The following SLC9B1 variants were observed in gnomAD, a reference collection of about 807,000 sequenced individuals.
SLC9B1 encodes the protein solute carrier family 9 member B1, also known as sodium/hydrogen exchanger 9B1.
In SLC9B1, 32 loss-of-function variants were observed where a neutral mutation model predicts 51.7. The ratio of observed to expected loss-of-function variants is 0.62; its 90% CI spans 0.47 to 0.83. The LOEUF (loss-of-function observed/expected upper bound fraction) is 0.83, where lower values mean the gene tolerates loss of function less well. Ranked by LOEUF, SLC9B1 falls within the 40% of genes least tolerant of loss-of-function variation. SLC9B1 has a pLI of 0.00. For synonymous variants in SLC9B1, 145 were observed against 212.7 expected (o/e 0.68, Z 2.77); for missense variants, 406 against 613.2 (o/e 0.66, Z 3.57).
intron 7 of SLC9B1, among the ~76,000 whole-genome samples, chr4:102,918,722 G>C (rs1227844582): frequency 6.6e-6 from 1 of 152,206 alleles, no homozygotes; most frequent in Non-Finnish European, 1.5e-5. Context: ...GCTATCTATA[G>C]TGAATATAGT....
rs539872120 is a variant in SLC9B1 at position 102,906,082 on chromosome 4, C to T, written c.1196-432G>A. Among the ~76,000 whole-genome samples the T allele has an allele frequency of 3.4e-4, 51 of 152,212 alleles. No homozygotes were observed. The South Asian group carries it at 3.5e-3, about 11-fold the overall frequency. ...TCCCGAGTAGCTGGGATTACAGACGCGCACTACCACACCTGGCTAATTTTT... is the reference window on the plus strand; with the variant it reads ...TCCCGAGTAGCTGGGATTACAGACGTGCACTACCACACCTGGCTAATTTTT... On this transcript the variant is annotated intron_variant, in intron 10 of 11. Coordinates refer to ENST00000296422, the MANE Select transcript of SLC9B1 (RefSeq NM_139173.4).
At chr4:102,956,287 A>G (rs991724688) in intron 3 of SLC9B1, among the ~76,000 whole-genome samples, 1 of 148,880 alleles carries the variant, frequency 6.7e-6, no homozygotes, top group African/African-American at 2.5e-5. Flanking sequence ...TCCATTCACT[A>G]TAATAAATTA....
chr4:102,903,540 T>C (rs1468458768), intron 11 of SLC9B1, among the ~76,000 whole-genome samples: 1 of 152,246 alleles, frequency 6.6e-6, no homozygotes, highest in African/African-American at 2.4e-5. Context: ...GCAAGTAACA[T>C]GGTATTCAAA....
intron 7 of SLC9B1, among the ~76,000 whole-genome samples, chr4:102,928,940 G>A (rs1736318762): frequency 6.6e-6 from 1 of 152,164 alleles, no homozygotes; most frequent in Admixed American, 6.5e-5. Flanking sequence ...AGAAAGATGA[G>A]GGCCAGAAAG....
intron 1 of SLC9B1, among the ~76,000 whole-genome samples, chr4:103,007,591 C>CTTTTTTT (rs58447131): frequency 2.8e-5 from 3 of 107,746 alleles, no homozygotes; most frequent in African/African-American, 7.8e-5. Context: ...CTCTTGTCAT[C>CTTTTTTT]TTTTTTTTTT....
rs866640362 is a variant in SLC9B1, at chr4:102,933,703, G to C, written c.654-1404C>G. Reference sequence around the variant, plus strand: ...GGTTTTCTCCACAGGGCTGCCTCAGGACATGGCAGCTGGCTTCCCCAGGAA... The same window carrying C: ...GGTTTTCTCCACAGGGCTGCCTCAGCACATGGCAGCTGGCTTCCCCAGGAA... On this transcript the variant is annotated intron_variant, in intron 6 of 11. Transcript: ENST00000296422. Among the ~76,000 whole-genome samples the C allele has an allele frequency of 2.0e-5, 3 of 152,066 alleles. No individual in the cohort carries two copies. In the South Asian group the frequency reaches 6.2e-4, roughly 31 times the overall value.
At chr4:102,897,658 T>C (rs1734602099), downstream of SLC9B1, 1 of 349,308 alleles carries the variant, frequency 2.9e-6, no homozygotes, top group Non-Finnish European at 5.5e-6. Context: ...CCTCCCTAAA[T>C]TGCTCAGGGT....
intron 1 of SLC9B1, among the ~76,000 whole-genome samples, chr4:103,013,995 T>G (rs1741200945): frequency 6.6e-6 from 1 of 152,224 alleles, no homozygotes; most frequent in African/African-American, 2.4e-5. Context: ...TGCAGAACAA[T>G]ATTCTTAAAT....
chr4:102,899,193 C>T (rs577897480), downstream of SLC9B1, among the ~76,000 whole-genome samples: 12 of 150,690 alleles, frequency 8.0e-5, no homozygotes, highest in African/African-American at 1.5e-4. Flanking sequence ...CTTAAAAGGG[C>T]GACTATTTCA....
chr4:102,901,187 G>A lies in SLC9B1; in HGVS notation c.1478C>T (p.Pro493Leu), dbSNP rs1734769355. The A allele has an allele frequency of 6.2e-7, 1 of 1,611,892 alleles. No individual in the cohort carries two copies. The highest frequency in any genetic ancestry group is 8.5e-7 in the Non-Finnish European group (1 of 1,179,864). Residue 493 changes from proline to leucine, a missense_variant, in exon 12 of 12, where the codon CCT becomes CTT. By Grantham distance (98) the Pro-to-Leu change is moderately conservative. Transcript: ENST00000296422. ...ATCATAATGGCGTGTAAGCATTTTAGGCCCCAGAATGCCCATAAGTAGAGC... is the reference window on the plus strand; with the variant it reads ...ATCATAATGGCGTGTAAGCATTTTAAGCCCCAGAATGCCCATAAGTAGAGC... ...NGALLMGILGPKMLTRHYDPS... is the reference protein window; with the variant it reads ...NGALLMGILGLKMLTRHYDPS...
chr4:102,943,456 C>A (rs556858470), intron 6 of SLC9B1, among the ~76,000 whole-genome samples: 1 of 150,776 alleles, frequency 6.6e-6, no homozygotes, highest in African/African-American at 2.4e-5. Context: ...TGAATGCATA[C>A]AGAAAATGTG....
chr4:103,018,998 A>G (rs1004563573), intron 1 of SLC9B1, among the ~76,000 whole-genome samples: 1 of 152,210 alleles, frequency 6.6e-6, no homozygotes, highest in Non-Finnish European at 1.5e-5. Flanking sequence ...CTAATGCCTG[A>G]TGATCTGAGA....
intron 1 of SLC9B1, among the ~76,000 whole-genome samples, chr4:103,011,999 A>G (rs1426588252): frequency 6.6e-6 from 1 of 152,204 alleles, no homozygotes. Context: ...CTTATCAAAC[A>G]TGCACTTGGC....
intron 7 of SLC9B1, among the ~76,000 whole-genome samples, chr4:102,926,597 A>G (rs2110452007): frequency 6.6e-6 from 1 of 152,358 alleles, no homozygotes; most frequent in South Asian, 2.1e-4. Flanking sequence ...GAAATAAAAG[A>G]GGACACAAAC....
chr4:102,919,633 T>A (rs1320239205), intron 7 of SLC9B1, among the ~76,000 whole-genome samples: 1 of 152,148 alleles, frequency 6.6e-6, no homozygotes, highest in African/African-American at 2.4e-5. Flanking sequence ...CACAAGGGGT[T>A]GGGGGATTTC....
chr4:102,944,134 A>G (rs1737154561), intron 6 of SLC9B1, among the ~76,000 whole-genome samples: 1 of 152,196 alleles, frequency 6.6e-6, no homozygotes, highest in Admixed American at 6.5e-5. Context: ...AGGAACAGGA[A>G]ACCAAATATC....
chr4:102,920,118 G>A (rs1735789341), intron 7 of SLC9B1, among the ~76,000 whole-genome samples: 1 of 152,248 alleles, frequency 6.6e-6, no homozygotes, highest in Non-Finnish European at 1.5e-5. Context: ...CCTGACCCCT[G>A]TGTAGCCTAA....
At chr4:102,998,831 G>A (rs536611495) in intron 1 of SLC9B1, among the ~76,000 whole-genome samples, 1 of 152,006 alleles carries the variant, frequency 6.6e-6, no homozygotes, top group South Asian at 2.1e-4. Flanking sequence ...ATCTTTTTTG[G>A]AGAAATGTCT....
At chr4:102,923,350 C>A (rs1361663856) in intron 7 of SLC9B1, among the ~76,000 whole-genome samples, 1 of 152,104 alleles carries the variant, frequency 6.6e-6, no homozygotes. Flanking sequence ...AGGCCTTTGA[C>A]AAAATTCAAC....
Sources: gnomAD v4.1 joint callset for allele counts (sites outside exome capture counted in the v4.1 genomes callset) on GRCh38, gnomAD v4.1.1 for gene constraint, MANE v1.5 for transcripts, NCBI Gene and HGNC (gene_info 2026-07-23, HGNC 2026-07-21) for gene names.